The following VCL variants were observed in gnomAD, a reference collection of about 807,000 sequenced individuals.
VCL encodes epididymis luminal protein 114.
Under a neutral mutation model 125.7 loss-of-function variants are expected in VCL, and 47 were observed. That is an observed-to-expected ratio of 0.37 (90% confidence interval 0.30 to 0.48). VCL has a LOEUF of 0.48. Among genes scored for constraint, VCL ranks in the 20% least tolerant of loss-of-function variants. VCL has a pLI of 0.99. For missense variants in VCL, 1,069 were observed against 1,455.5 expected (o/e 0.73, Z 4.32); for synonymous variants, 458 against 514.6 (o/e 0.89, Z 1.49).
At chr10:74,089,671 G>T (rs1186041099) in intron 9 of VCL, among the ~76,000 whole-genome samples, 1 of 152,176 alleles carries the variant, frequency 6.6e-6, no homozygotes, top group Non-Finnish European at 1.5e-5. Context: ...TTGGGTCATT[G>T]TAATGTTTAG....
chr10:74,094,868 AGTCT>A, intron 11 of VCL, among the ~76,000 whole-genome samples: 1 of 152,188 alleles, frequency 6.6e-6, no homozygotes. Flanking sequence ...CAGGAGTTCC[AGTCT>A]GTAGTGAGCT....
intron 19 of VCL, among the ~76,000 whole-genome samples, chr10:74,112,888 C>G (rs923227814): frequency 2.6e-5 from 4 of 152,108 alleles, no homozygotes; most frequent in Non-Finnish European, 5.9e-5. Flanking sequence ...ATCTTCTAAC[C>G]AACGTGATGG....
chr10:74,118,400 G>GTGTTTGAGTTACAC lies in VCL; in HGVS notation c.*233_*234insTTTGAGTTACACTG. 1 of 579,750 alleles carries GTGTTTGAGTTACAC rather than the reference G, an allele frequency of 1.7e-6. No homozygotes were observed. Among genetic ancestry groups the GTGTTTGAGTTACAC allele is most frequent in the Admixed American group, 2.7e-5 (1 of 36,820 alleles). 35.9% of individuals were successfully genotyped at this position (579,750 alleles called of 1,614,324 possible). ...TGTATTCTCAAACACAGTTACACTTGTGCACCCTCTATCCCAATAGGCAGA... is the reference window on the plus strand; with the variant it reads ...TGTATTCTCAAACACAGTTACACTTGTGTTTGAGTTACACTGCACCCTCTATCCCAATAGGCAGA... On this transcript the variant is annotated 3_prime_UTR_variant, in exon 22 of 22. Transcript: ENST00000211998.
chr10:74,075,044 A>G, intron 6 of VCL, 141 bp downstream of exon 6: 1 of 1,126,070 alleles, frequency 8.9e-7, no homozygotes. Context: ...TTTCTTCTTC[A>G]TTTCTGTTTC....
At chr10:74,053,943 T>A (rs1841351834) in intron 2 of VCL, among the ~76,000 whole-genome samples, 1 of 152,140 alleles carries the variant, frequency 6.6e-6, no homozygotes, top group Admixed American at 6.5e-5. Context: ...TTAAAATTAT[T>A]TTTTAAAGTT....
intron 7 of VCL, among the ~76,000 whole-genome samples, chr10:74,083,154 T>A (rs1376029746): frequency 6.6e-6 from 1 of 152,198 alleles, no homozygotes; most frequent in Non-Finnish European, 1.5e-5. Flanking sequence ...ATAGATACAG[T>A]TCCAAGTATC....
chr10:74,077,664 T>A, intron 6 of VCL: 1 of 449,038 alleles, frequency 2.2e-6, no homozygotes, highest in Admixed American at 2.4e-5. Context: ...ATTAACTTTG[T>A]CTTACCATAC....
intron 2 of VCL, among the ~76,000 whole-genome samples, chr10:74,057,079 G>C (rs1194127473): frequency 6.6e-6 from 1 of 151,780 alleles, no homozygotes; most frequent in Non-Finnish European, 1.5e-5. Flanking sequence ...AATAGCTGGG[G>C]CTACAGGTAC....
intron 1 of VCL, among the ~76,000 whole-genome samples, chr10:74,032,256 A>AG (rs1840889784): frequency 6.6e-6 from 1 of 150,586 alleles, no homozygotes; most frequent in African/African-American, 2.4e-5. Flanking sequence ...AAAAAAAAAA[A>AG]AAAAGAAAAA....
chr10:74,102,024 C>G (rs1840065834), intron 14 of VCL, among the ~76,000 whole-genome samples: 1 of 85,374 alleles, frequency 1.2e-5, no homozygotes, highest in African/African-American at 5.0e-5. Context: ...CGCCACCATG[C>G]CCGGCTAATT....
rs149602433 is a variant in VCL at position 74,114,821 on chromosome 10, C to T, written c.3180C>T (p.Ser1060=). ...LQVCERIPTI[S]TQLKILSTVK... ...TATGTGAGCGAATCCCAACCATAAGCACCCAGCTCAAAATCCTGTCCACAG... is the reference window on the plus strand; with the variant it reads ...TATGTGAGCGAATCCCAACCATAAGTACCCAGCTCAAAATCCTGTCCACAG... The change falls in exon 21 of 22, where the codon AGC becomes AGT. Residue 1060 remains serine, a synonymous_variant. Transcript: ENST00000211998. 3 of 1,608,578 alleles carry T rather than the reference C, an allele frequency of 1.9e-6. 1 individual carries two copies. In the African/African-American group the frequency reaches 4.0e-5, roughly 22 times the overall value.
intron 18 of VCL, among the ~76,000 whole-genome samples, chr10:74,110,755 C>G (rs762765817): frequency 8.5e-5 from 13 of 152,178 alleles, no homozygotes; most frequent in Non-Finnish European, 1.8e-4. Flanking sequence ...AAACTACTTC[C>G]TCTTGAGTAC....
chr10:74,037,006 G>C (rs970618808), intron 1 of VCL, among the ~76,000 whole-genome samples: 5 of 151,952 alleles, frequency 3.3e-5, no homozygotes, highest in Admixed American at 6.5e-5. Flanking sequence ...TGCCTCCCGG[G>C]TTCGCGCCAT....
chr10:74,108,364 A>G (rs941159267), intron 17 of VCL, among the ~76,000 whole-genome samples: 74 of 152,298 alleles, frequency 4.9e-4, no homozygotes, highest in African/African-American at 1.7e-3. Context: ...TTCTGGTAGA[A>G]CCAGGACCAC....
chr10:74,088,976 A>G (rs1408888945), intron 8 of VCL, among the ~76,000 whole-genome samples: 1 of 152,266 alleles, frequency 6.6e-6, no homozygotes, highest in Non-Finnish European at 1.5e-5. Context: ...CAAAGTGGTT[A>G]TGCAGTTCCG....
Position 74,119,722 on chromosome 10 carries a change from C to G in VCL, c.*1553C>G, listed in dbSNP as rs1005652767. On this transcript the variant is annotated 3_prime_UTR_variant, in exon 22 of 22. Coordinates refer to ENST00000211998, the MANE Select transcript of VCL (RefSeq NM_014000.3). ...CGAATGTGTACAACTTAAGTTGGTCCTTTACACTCAGGCTTTCACTATTTC... is the reference window on the plus strand; with the variant it reads ...CGAATGTGTACAACTTAAGTTGGTCGTTTACACTCAGGCTTTCACTATTTC... The G allele has an allele frequency of 7.2e-5, 11 of 152,284 alleles. No homozygotes were observed. The highest frequency in any genetic ancestry group is 1.5e-4 in the Non-Finnish European group (10 of 67,914). The allele number at this position is 152,284 out of a possible 1,614,324, so 9.4% of individuals were successfully genotyped here.
At chr10:74,115,124 T>C (rs1304215748) in intron 21 of VCL, among the ~76,000 whole-genome samples, 1 of 151,954 alleles carries the variant, frequency 6.6e-6, no homozygotes, top group African/African-American at 2.4e-5. Context: ...CCCAGCACTT[T>C]GGGAGGCTGA....
Position 74,112,130 on chromosome 10 carries a change from C to A in VCL, c.2949+18C>A. On this transcript the variant is annotated intron_variant, in intron 19 of 21. Coordinates refer to ENST00000211998, the MANE Select transcript of VCL (RefSeq NM_014000.3). ...CTAGTAAGGTACTGATAAGCACCCC[C>A]AGTTGGGGGCTGCTCCATATGCATC... 5 of 1,614,072 alleles carry A rather than the reference C, an allele frequency of 3.1e-6. No individual in the cohort carries two copies. Among genetic ancestry groups the A allele is most frequent in the Non-Finnish European group, 3.4e-6 (4 of 1,180,002 alleles).
intron 1 of VCL, among the ~76,000 whole-genome samples, chr10:74,002,250 C>G (rs1840239857): frequency 6.6e-6 from 1 of 152,126 alleles, no homozygotes; most frequent in African/African-American, 2.4e-5. Flanking sequence ...CTCAGCCTCC[C>G]TAGTAGCTGG....
Sources: allele counts gnomAD v4.1 joint callset (sites outside exome capture counted in the v4.1 genomes callset), GRCh38; gene constraint gnomAD v4.1.1; transcripts MANE v1.5; gene names NCBI Gene and HGNC (gene_info 2026-07-23, HGNC 2026-07-21).